SYNPR: variants seen among roughly 807,000 people sequenced by gnomAD.
SYNPR encodes the protein synaptoporin.
A neutral mutation model predicts 32.9 loss-of-function variants in SYNPR; 23 were observed. The ratio of observed to expected loss-of-function variants is 0.70; its 90% CI spans 0.50 to 0.99. SYNPR has a LOEUF of 0.99. Ranked by LOEUF, SYNPR falls within the 50% of genes least tolerant of loss-of-function variation. The pLI is 0.00. For missense variants in SYNPR, 318 were observed against 349.3 expected, an observed-to-expected ratio of 0.91 and a Z score of 0.71; for synonymous variants, 146 against 135.9, an observed-to-expected ratio of 1.07 and a Z score of -0.52.
At chr3:63,349,288 A>G (rs2107014962) in intron 2 of SYNPR, among the ~76,000 whole-genome samples, 1 of 152,168 alleles carries the variant, frequency 6.6e-6, no homozygotes, top group African/African-American at 2.4e-5. Flanking sequence ...TTTTTAGTAG[A>G]GACGGGTTTC....
At chr3:63,393,983 C>T (rs2107089067) in intron 2 of SYNPR, among the ~76,000 whole-genome samples, 1 of 152,304 alleles carries the variant, frequency 6.6e-6, no homozygotes, top group South Asian at 2.1e-4. Context: ...ATGCTGTACT[C>T]ACTTTTATTA....
Position 63,455,787 on chromosome 3 carries a change from G to GT in SYNPR, c.85-25045_85-25044insT, listed in dbSNP as rs1559504354. On this transcript the variant is annotated intron_variant, in intron 2 of 5. Coordinates refer to ENST00000478300, the MANE Select transcript of SYNPR (RefSeq NM_001130003.2). ...TGTGTGTGTGTGTGTGTGTGTGTGT[G>GT]GATCTTCAGATGTTCTCAAAGTCAA... Among the ~76,000 whole-genome samples, 359 of 151,332 alleles carry GT rather than the reference G, an allele frequency of 2.4e-3. 5 individuals are homozygous for GT. The highest frequency in any genetic ancestry group is 0.016 in the Admixed American group (250 of 15,178).
chr3:63,454,167 A>C (rs1420809581), intron 2 of SYNPR, among the ~76,000 whole-genome samples: 1 of 152,158 alleles, frequency 6.6e-6, no homozygotes, highest in Admixed American at 6.6e-5. Context: ...AAAATGTTAG[A>C]TAGAATAAGA....
At chr3:63,518,387 C>G (rs1391218960) in intron 3 of SYNPR, among the ~76,000 whole-genome samples, 1 of 152,092 alleles carries the variant, frequency 6.6e-6, no homozygotes, top group African/African-American at 2.4e-5. Context: ...ACCCCTCACA[C>G]CCATAACCTT....
chr3:63,398,964 G>A (rs2107098100), intron 2 of SYNPR, among the ~76,000 whole-genome samples: 1 of 152,280 alleles, frequency 6.6e-6, no homozygotes, highest in East Asian at 1.9e-4. Flanking sequence ...GACTTAAGCA[G>A]AAGGACAGTT....
the SYNPR span, among the ~76,000 whole-genome samples, chr3:63,220,440 A>G: frequency 1.2e-4 from 18 of 152,214 alleles, no homozygotes; most frequent in East Asian, 1.5e-3. Context: ...GCACTCTGCT[A>G]TGTGATGCTG....
chr3:63,284,976 C>G (rs959424040), intron 2 of SYNPR, among the ~76,000 whole-genome samples: 2 of 152,174 alleles, frequency 1.3e-5, no homozygotes, highest in Non-Finnish European at 2.9e-5. Context: ...GAGGGAAATG[C>G]CAAAGCCAAG....
At chr3:63,477,716 C>T (rs899328979) in intron 2 of SYNPR, among the ~76,000 whole-genome samples, 36 of 151,890 alleles carry the variant, frequency 2.4e-4, no homozygotes, top group East Asian at 7.8e-4. Flanking sequence ...AGCCGAGCCA[C>T]GTGCTGGCTC....
chr3:63,422,985 A>G (rs941053337), intron 2 of SYNPR, among the ~76,000 whole-genome samples: 2 of 152,278 alleles, frequency 1.3e-5, no homozygotes, highest in Non-Finnish European at 2.9e-5. Flanking sequence ...TGGTCTTTAT[A>G]TATCAACATA....
chr3:63,288,645 T>C (rs531751533), intron 2 of SYNPR, among the ~76,000 whole-genome samples: 2 of 152,376 alleles, frequency 1.3e-5, no homozygotes, highest in South Asian at 2.1e-4. Flanking sequence ...AATAAAAATG[T>C]ATTCCCTCAA....
At chr3:63,578,801 G>A (rs976512446) in intron 4 of SYNPR, among the ~76,000 whole-genome samples, 1 of 152,090 alleles carries the variant, frequency 6.6e-6, no homozygotes, top group African/African-American at 2.4e-5. Flanking sequence ...TTGCCTGCAT[G>A]GCAGAACTTG....
the SYNPR span, among the ~76,000 whole-genome samples, chr3:63,211,723 T>A: frequency 2.8e-5 from 4 of 144,580 alleles, no homozygotes; most frequent in Non-Finnish European, 6.1e-5. Context: ...TTTTTTTTTA[T>A]TATACTTTAA....
At chr3:63,244,831 T>G (rs562292370) in intron 1 of SYNPR, among the ~76,000 whole-genome samples, 1 of 152,238 alleles carries the variant, frequency 6.6e-6, no homozygotes, top group African/African-American at 2.4e-5. Flanking sequence ...CTTATTTGTA[T>G]TCTAAGTAAA....
At chr3:63,486,071 G>T (rs1006211203) in intron 3 of SYNPR, among the ~76,000 whole-genome samples, 1 of 152,086 alleles carries the variant, frequency 6.6e-6, no homozygotes, top group African/African-American at 2.4e-5. Flanking sequence ...ACCATGCCTG[G>T]CTAATTTTTG....
intron 2 of SYNPR, among the ~76,000 whole-genome samples, chr3:63,344,802 G>A (rs969939634): frequency 6.6e-6 from 1 of 152,042 alleles, no homozygotes; most frequent in East Asian, 1.9e-4. Flanking sequence ...CGAGGCTAGG[G>A]CTTTTCAAGG....
intron 3 of SYNPR, among the ~76,000 whole-genome samples, chr3:63,525,634 T>A (rs1232259058): frequency 6.6e-6 from 1 of 152,114 alleles, no homozygotes; most frequent in Non-Finnish European, 1.5e-5. Context: ...CATAAAAACA[T>A]AAAGGCATTT....
chr3:63,205,302 A>G, the SYNPR span, among the ~76,000 whole-genome samples: 4 of 152,170 alleles, frequency 2.6e-5, no homozygotes, highest in African/African-American at 9.7e-5. Context: ...TTGCAGTAAC[A>G]TTTTTGAATA....
chr3:63,612,878 C>T (rs936615381), intron 5 of SYNPR, among the ~76,000 whole-genome samples: 1 of 144,468 alleles, frequency 6.9e-6, no homozygotes, highest in African/African-American at 2.5e-5. Flanking sequence ...TCCTCCCCTC[C>T]CCCACCCTCC....
intron 2 of SYNPR, among the ~76,000 whole-genome samples, chr3:63,327,067 G>GAT (rs2087175501): frequency 6.6e-6 from 1 of 151,858 alleles, no homozygotes; most frequent in African/African-American, 2.4e-5. Flanking sequence ...TTAGTGACTA[G>GAT]ATATATATTA....
Sources: allele counts gnomAD v4.1 joint callset (sites outside exome capture counted in the v4.1 genomes callset), GRCh38; gene constraint gnomAD v4.1.1; transcripts MANE v1.5; gene names NCBI Gene and HGNC (gene_info 2026-07-23, HGNC 2026-07-21).